LEPROTL1: variants seen among roughly 807,000 people sequenced by gnomAD.
The protein encoded by LEPROTL1 is leptin receptor overlapping transcript like 1.
LEPROTL1 carries 6 observed loss-of-function variants against 15.4 expected under a neutral mutation model. The ratio of observed to expected loss-of-function variants is 0.39; its 90% CI spans 0.21 to 0.77. The LOEUF is 0.77. LEPROTL1 is among the 30% of genes least tolerant of loss of function. The pLI, the probability that LEPROTL1 is intolerant of heterozygous loss-of-function variation, is 0.41. For synonymous variants in LEPROTL1, 56 were observed against 52.6 expected, an observed-to-expected ratio of 1.06 and a Z score of -0.28; for missense variants, 128 against 158.1, an observed-to-expected ratio of 0.81 and a Z score of 1.02.
At chr8:30,131,573 T>G (rs1410631479) in intron 3 of LEPROTL1, among the ~76,000 whole-genome samples, 4 of 152,162 alleles carry the variant, frequency 2.6e-5, no homozygotes, top group African/African-American at 9.7e-5. Context: ...GTTGCTAAAG[T>G]TCCCATTCCA....
At position 30,106,828 on chromosome 8, in the gene LEPROTL1, C is replaced by T; in HGVS notation, c.*966C>T. 1 of 984,724 alleles carries T rather than the reference C, an allele frequency of 1.0e-6. No homozygotes were observed. Among genetic ancestry groups the T allele is most frequent in the Non-Finnish European group, 1.2e-6 (1 of 828,918 alleles). The allele number at this position is 984,724 out of a possible 1,614,324, so 61.0% of individuals were successfully genotyped here. ...GCCAGAAAACCTTCCTCTGCTTCCT[C>T]CTTTTGACTTATTTGGTATGTTGTA... On this transcript the variant is annotated 3_prime_UTR_variant, in exon 4 of 4. Transcript: ENST00000321250.
At chr8:30,138,328 A>G, downstream of LEPROTL1, 1 of 502,180 alleles carries the variant, frequency 2.0e-6, no homozygotes, top group Non-Finnish European at 3.6e-6. Flanking sequence ...ATTCACAACA[A>G]TCTTGCAACA....
At chr8:30,101,763 C>A (rs377735825) in intron 1 of LEPROTL1, 135 bp from the exon 2 acceptor site, 2 of 494,434 alleles carry the variant, frequency 4.0e-6, no homozygotes, top group East Asian at 7.9e-5. Flanking sequence ...ATAACTTACA[C>A]TTCTGATGGC....
At chr8:30,138,299 A>C, downstream of LEPROTL1, 1 of 420,134 alleles carries the variant, frequency 2.4e-6, no homozygotes. Flanking sequence ...AGGTGAACCC[A>C]CTGGGCGGTT....
intron 3 of LEPROTL1, among the ~76,000 whole-genome samples, chr8:30,125,710 G>C (rs1180362789): frequency 1.6e-4 from 25 of 152,178 alleles, no homozygotes; most frequent in Non-Finnish European, 3.7e-4. Context: ...AGATGGAATT[G>C]CTTGGGTCCC....
downstream of LEPROTL1, among the ~76,000 whole-genome samples, chr8:30,112,426 T>TTTTTTTG (rs1444888525): frequency 1.5e-5 from 2 of 136,278 alleles, no homozygotes; most frequent in Non-Finnish European, 3.1e-5. Context: ...TTTTTTTTTT[T>TTTTTTTG]TTTTTGGATT....
intron 3 of LEPROTL1, among the ~76,000 whole-genome samples, chr8:30,126,038 TGTAA>T (rs1436696632): frequency 6.6e-6 from 1 of 152,210 alleles, no homozygotes; most frequent in Non-Finnish European, 1.5e-5. Flanking sequence ...AAGAATCTGT[TGTAA>T]GTGATTTGAA....
intron 2 of LEPROTL1, 114 bp from the exon 3 acceptor site, chr8:30,104,186 G>T: frequency 3.7e-6 from 2 of 546,948 alleles, no homozygotes; most frequent in Non-Finnish European, 6.1e-6. Context: ...GCTAAGGTTG[G>T]GTATCATCCA....
At chr8:30,102,621 C>T (rs930343682) in intron 2 of LEPROTL1, among the ~76,000 whole-genome samples, 2 of 148,666 alleles carry the variant, frequency 1.3e-5, no homozygotes, top group African/African-American at 5.0e-5. Flanking sequence ...CACTGCACTC[C>T]AGCCTGGGTG....
At position 30,103,467 on chromosome 8, in the gene LEPROTL1, G is replaced by A. The variant is rs1435139124; in HGVS notation, c.93-833G>A. 3.9e-5 allele frequency among the ~76,000 whole-genome samples: 6 copies of A among 151,994 alleles called. No individual in the cohort carries two copies. The East Asian group carries it at 9.6e-4, about 24-fold the overall frequency. On this transcript the variant is annotated intron_variant, in intron 2 of 3. Coordinates refer to ENST00000321250, the MANE Select transcript of LEPROTL1 (RefSeq NM_015344.3). ...TAAAATATTTAGGAAATGGTCAGGC[G>A]CAGTGGCTCATGCCTGTAATCCTAG...
At chr8:30,133,140 C>T (rs554536311) in intron 4 of LEPROTL1, among the ~76,000 whole-genome samples, 1 of 152,236 alleles carries the variant, frequency 6.6e-6, no homozygotes, top group Admixed American at 6.5e-5. Context: ...TGATCTGAAA[C>T]TCCTGGGCTT....
downstream of LEPROTL1, among the ~76,000 whole-genome samples, chr8:30,112,401 A>ATTTTTTTTTTTTTTTTTTT: frequency 2.0e-3 from 55 of 27,888 alleles, 10 homozygotes; most frequent in Non-Finnish European, 2.7e-3. Context: ...TGCCCAGCTA[A>ATTTTTTTTTTTTTTTTTTT]TTTTTTTTTT....
In LEPROTL1 at chr8:30,107,995, T is replaced by C. The variant is rs949717823; in HGVS notation, c.*2133T>C. On this transcript the variant is annotated 3_prime_UTR_variant, in exon 4 of 4. Coordinates refer to ENST00000321250, the MANE Select transcript of LEPROTL1 (RefSeq NM_015344.3). Reference sequence around the variant, plus strand: ...TATGAATTTTCCATAGAATATGCACTGATACAATATTACCATTCTTCTATG... The same window carrying C: ...TATGAATTTTCCATAGAATATGCACCGATACAATATTACCATTCTTCTATG... 14 of 963,928 alleles carry C rather than the reference T, an allele frequency of 1.5e-5. No homozygotes were observed. Among genetic ancestry groups the C allele is most frequent in the Non-Finnish European group, 1.6e-5 (13 of 810,474 alleles). 59.7% of individuals were successfully genotyped at this position (963,928 alleles called of 1,614,324 possible). A position where few individuals can be genotyped will look rare whatever the true frequency, so the allele number is the denominator to read the frequency against.
intron 3 of LEPROTL1, chr8:30,117,858 A>G: frequency 1.7e-6 from 1 of 603,090 alleles, no homozygotes; most frequent in Non-Finnish European, 2.9e-6. Context: ...GAAAGTTAGC[A>G]GAAGATTGAT....
intron 3 of LEPROTL1, among the ~76,000 whole-genome samples, chr8:30,125,637 A>G (rs960711086): frequency 3.3e-5 from 5 of 152,218 alleles, no homozygotes; most frequent in African/African-American, 7.2e-5. Flanking sequence ...TTTTAAAATT[A>G]AATACTCTAA....
chr8:30,135,036 C>T (rs1033892759), intron 4 of LEPROTL1, among the ~76,000 whole-genome samples: 8 of 146,014 alleles, frequency 5.5e-5, no homozygotes, highest in African/African-American at 7.6e-5. Context: ...TGCGCTACCA[C>T]GCCTAGTTAA....
At chr8:30,116,001 G>A (rs919469198) in intron 3 of LEPROTL1, among the ~76,000 whole-genome samples, 6 of 152,076 alleles carry the variant, frequency 3.9e-5, no homozygotes, top group African/African-American at 1.4e-4. Flanking sequence ...AATATATTGG[G>A]AGGCCAAGCT....
In LEPROTL1 at chr8:30,107,815, G is replaced by C; in HGVS notation, c.*1953G>C. 1.0e-6 allele frequency: 1 copy of C among 985,356 alleles called. No individual in the cohort carries two copies. Among genetic ancestry groups the C allele is most frequent in the Non-Finnish European group, 1.2e-6 (1 of 829,912 alleles). 61.0% of individuals were successfully genotyped at this position (985,356 alleles called of 1,614,324 possible). Reference sequence around the variant, plus strand: ...ATTTTCTGTTCTGGATGTCAGTGCAGTGCACTGCTACTGTTTTATCCACTT... The same window carrying C: ...ATTTTCTGTTCTGGATGTCAGTGCACTGCACTGCTACTGTTTTATCCACTT... On this transcript the variant is annotated 3_prime_UTR_variant, in exon 4 of 4. Coordinates refer to ENST00000321250, the MANE Select transcript of LEPROTL1 (RefSeq NM_015344.3).
chr8:30,105,893 C>G lies in LEPROTL1; in HGVS notation c.*31C>G. 2 of 1,465,168 alleles carry G rather than the reference C, an allele frequency of 1.4e-6. No individual in the cohort carries two copies. The highest frequency in any genetic ancestry group is 1.8e-6 in the Non-Finnish European group (2 of 1,103,180). The allele number at this position is 1,465,168 out of a possible 1,614,324, so 90.8% of individuals were successfully genotyped here. A position where few individuals can be genotyped will look rare whatever the true frequency, so the allele number is the denominator to read the frequency against. On this transcript the variant is annotated 3_prime_UTR_variant, in exon 4 of 4. Coordinates refer to ENST00000321250, the MANE Select transcript of LEPROTL1 (RefSeq NM_015344.3). ...AATTACTGAACTATTGTCAAATGGA[C>G]TTCCTGTCATTTGTTGGCCATTCAC...
Sources: allele counts gnomAD v4.1 joint callset (sites outside exome capture counted in the v4.1 genomes callset), GRCh38; gene constraint gnomAD v4.1.1; transcripts MANE v1.5; gene names NCBI Gene and HGNC (gene_info 2026-07-23, HGNC 2026-07-21).